The following TBCK variants were observed in gnomAD, a reference collection of about 807,000 sequenced individuals.
The protein encoded by TBCK is TBC1 domain containing kinase.
A neutral mutation model predicts 113.4 loss-of-function variants in TBCK; 99 were observed. The observed-to-expected ratio is 0.87, with a 90% CI of 0.74 to 1.03. The LOEUF is 1.03. Among genes scored for constraint, TBCK ranks in the 50% least tolerant of loss-of-function variants. The pLI, the probability that TBCK is intolerant of heterozygous loss-of-function variation, is 0.00. For missense variants in TBCK, 1,045 were observed against 1,061.3 expected, an observed-to-expected ratio of 0.98 and a Z score of 0.21; for synonymous variants, 369 against 370.8, an observed-to-expected ratio of 1.00 and a Z score of 0.05.
At chr4:106,265,503 T>C (rs1762912965) in intron 3 of TBCK, among the ~76,000 whole-genome samples, 2 of 151,556 alleles carry the variant, frequency 1.3e-5, no homozygotes, top group Non-Finnish European at 3.0e-5. Context: ...ATAACTTAAT[T>C]CCAGGAGAGA....
chr4:106,130,218 T>A, intron 23 of TBCK, among the ~76,000 whole-genome samples: 1 of 152,202 alleles, frequency 6.6e-6, no homozygotes, highest in East Asian at 1.9e-4. Flanking sequence ...AACATTAACT[T>A]CTGGAGAAAA....
chr4:106,293,217 T>C (rs571507316), intron 3 of TBCK, among the ~76,000 whole-genome samples: 15 of 152,308 alleles, frequency 9.8e-5, no homozygotes, highest in African/African-American at 3.6e-4. Flanking sequence ...TATCCCAAGA[T>C]TGGCACAAAA....
intron 3 of TBCK, among the ~76,000 whole-genome samples, chr4:106,274,485 A>T (rs933924505): frequency 8.5e-5 from 13 of 152,246 alleles, no homozygotes; most frequent in South Asian, 4.1e-4. Flanking sequence ...ACAGTAGAAA[A>T]TTAGCAATAC....
chr4:106,078,409 A>G (rs1738478469), intron 25 of TBCK, among the ~76,000 whole-genome samples: 2 of 152,200 alleles, frequency 1.3e-5, no homozygotes, highest in Admixed American at 1.3e-4. Flanking sequence ...AATAAAGAAA[A>G]AAGAAGATCC....
At chr4:106,315,144 A>T (rs1164838564) in intron 1 of TBCK, among the ~76,000 whole-genome samples, 1 of 152,122 alleles carries the variant, frequency 6.6e-6, no homozygotes, top group Non-Finnish European at 1.5e-5. Context: ...GGGGGAAAAA[A>T]AACGTAGAGA....
At chr4:106,056,480 T>C (rs1193398722) in intron 25 of TBCK, among the ~76,000 whole-genome samples, 2 of 151,684 alleles carry the variant, frequency 1.3e-5, no homozygotes, top group Non-Finnish European at 3.0e-5. Flanking sequence ...TGGATAGATA[T>C]ACACATATAT....
chr4:106,242,948 T>G (rs909076578), intron 11 of TBCK, among the ~76,000 whole-genome samples: 1 of 146,742 alleles, frequency 6.8e-6, no homozygotes, highest in Non-Finnish European at 1.5e-5. Flanking sequence ...CACCTATGAG[T>G]GAGAATATGC....
chr4:106,116,950 G>A (rs915109893), intron 23 of TBCK, among the ~76,000 whole-genome samples: 3 of 151,138 alleles, frequency 2.0e-5, no homozygotes, highest in Non-Finnish European at 2.9e-5. Context: ...TAAATGTAAC[G>A]TGCTTGATTC....
chr4:106,043,749 G>GTA lies in TBCK; in HGVS notation c.*2820_*2821insTA, dbSNP rs1733990043. On this transcript the variant is annotated 3_prime_UTR_variant, in exon 26 of 26. Coordinates refer to ENST00000394708, the MANE Select transcript of TBCK (RefSeq NM_001163435.3). ...TTTATGAATGTGAGTGTGTGTGTGT[G>GTA]TGTGTGTGTATGTATATCTGTGTGG... 6.6e-6 allele frequency: 1 copy of GTA among 152,070 alleles called. No homozygotes were observed. The highest frequency in any genetic ancestry group is 2.1e-4 in the South Asian group (1 of 4,810). The allele number at this position is 152,070 out of a possible 1,614,324, so 9.4% of individuals were successfully genotyped here. A position where few individuals can be genotyped will look rare whatever the true frequency, so the allele number is the denominator to read the frequency against.
At chr4:106,239,393 CATA>C (rs749295790) in intron 12 of TBCK, among the ~76,000 whole-genome samples, 66 of 152,102 alleles carry the variant, frequency 4.3e-4, no homozygotes, top group Middle Eastern at 6.8e-3. Flanking sequence ...AGGGCTTCTA[CATA>C]ATAACAGGAT....
At chr4:106,164,445 A>C (rs1391566193) in intron 23 of TBCK, 5 of 151,998 alleles carry the variant, frequency 3.3e-5, no homozygotes, top group Non-Finnish European at 5.9e-5. Context: ...TTGCATGAGT[A>C]TATGTTAATG....
intron 19 of TBCK, among the ~76,000 whole-genome samples, chr4:106,226,347 A>G (rs948402765): frequency 5.9e-5 from 9 of 152,326 alleles, no homozygotes; most frequent in Admixed American, 2.6e-4. Context: ...ATAGAAATCA[A>G]TGTAACAGAA....
At chr4:106,167,981 A>C (rs985176310) in intron 23 of TBCK, among the ~76,000 whole-genome samples, 1 of 151,834 alleles carries the variant, frequency 6.6e-6, no homozygotes, top group Non-Finnish European at 1.5e-5. Flanking sequence ...CAGAAGCAAA[A>C]CGAATATGTC....
intron 22 of TBCK, among the ~76,000 whole-genome samples, chr4:106,185,731 T>C (rs1721987250): frequency 6.6e-6 from 1 of 152,144 alleles, no homozygotes; most frequent in South Asian, 2.1e-4. Flanking sequence ...TTCTTGTTTT[T>C]CCAACTTTAA....
At chr4:106,195,617 C>CA (rs1470734784) in intron 20 of TBCK, among the ~76,000 whole-genome samples, 3 of 151,950 alleles carry the variant, frequency 2.0e-5, no homozygotes, top group Admixed American at 2.0e-4. Context: ...AGAGCCTGAA[C>CA]AAAACAAAGG....
chr4:106,262,057 C>A, intron 4 of TBCK, 41 bp downstream of exon 4: 1 of 1,234,294 alleles, frequency 8.1e-7, no homozygotes. Context: ...CTTCCAATTT[C>A]AAATGATATA....
chr4:106,264,309 T>C (rs528036366), intron 3 of TBCK, among the ~76,000 whole-genome samples: 14 of 152,076 alleles, frequency 9.2e-5, no homozygotes, highest in African/African-American at 3.1e-4. Flanking sequence ...GTGACACTTA[T>C]GTAGAAATCT....
intron 3 of TBCK, among the ~76,000 whole-genome samples, chr4:106,293,063 A>T (rs1034269358): frequency 6.6e-6 from 1 of 152,160 alleles, no homozygotes; most frequent in Non-Finnish European, 1.5e-5. Flanking sequence ...TTACTTCCCA[A>T]CCACAAAGGA....
At chr4:106,149,826 A>G (rs1375105385) in intron 23 of TBCK, among the ~76,000 whole-genome samples, 3 of 152,236 alleles carry the variant, frequency 2.0e-5, no homozygotes, top group Non-Finnish European at 2.9e-5. Flanking sequence ...TAAAACAGCA[A>G]TAACAGTGAA....
Sources: gnomAD v4.1 joint callset for allele counts (sites outside exome capture counted in the v4.1 genomes callset) on GRCh38, gnomAD v4.1.1 for gene constraint, MANE v1.5 for transcripts, NCBI Gene and HGNC (gene_info 2026-07-23, HGNC 2026-07-21) for gene names.